ZNF532: variants seen among roughly 807,000 people sequenced by gnomAD.
ZNF532 encodes zinc finger protein 532.
A neutral mutation model predicts 89.3 loss-of-function variants in ZNF532; 22 were observed. The ratio of observed to expected loss-of-function variants is 0.25; its 90% CI spans 0.18 to 0.35. The LOEUF (loss-of-function observed/expected upper bound fraction) is 0.35, where lower values mean the gene tolerates loss of function less well. ZNF532 is among the 10% of genes least tolerant of loss of function. The pLI is 1.00. For missense variants in ZNF532, 1,132 were observed against 1,643.4 expected, an observed-to-expected ratio of 0.69 and a Z score of 5.38; for synonymous variants, 606 against 649.6, an observed-to-expected ratio of 0.93 and a Z score of 1.02.
chr18:58,900,888 C>G (rs2059558128), intron 2 of ZNF532, among the ~76,000 whole-genome samples: 1 of 152,092 alleles, frequency 6.6e-6, no homozygotes, highest in African/African-American at 2.4e-5. Context: ...TCCCAACCCC[C>G]AAGCTCTAAG....
chr18:58,956,940 A>G (rs566112975), intron 7 of ZNF532, among the ~76,000 whole-genome samples: 3 of 152,344 alleles, frequency 2.0e-5, no homozygotes, highest in South Asian at 2.1e-4. Flanking sequence ...TCTCGTGTAC[A>G]GTATATATAC....
intron 2 of ZNF532, among the ~76,000 whole-genome samples, chr18:58,876,973 T>A (rs1323773011): frequency 6.6e-6 from 1 of 151,834 alleles, no homozygotes; most frequent in Non-Finnish European, 1.5e-5. Flanking sequence ...GGCAAGAGGA[T>A]CACTTGAGCC....
chr18:58,921,657 T>G (rs1279901912), intron 3 of ZNF532, among the ~76,000 whole-genome samples: 1 of 152,248 alleles, frequency 6.6e-6, no homozygotes, highest in Non-Finnish European at 1.5e-5. Context: ...CAATCAGCCT[T>G]TTATCTCCAT....
chr18:58,888,865 T>TAAA (rs1568248420), intron 2 of ZNF532, among the ~76,000 whole-genome samples: 20 of 51,880 alleles, frequency 3.9e-4, no homozygotes, highest in South Asian at 1.3e-3. Context: ...TTTATATATA[T>TAAA]ATAATATATA....
At position 58,981,624 on chromosome 18, in the gene ZNF532, C is replaced by A. The variant is rs1207924703; in HGVS notation, c.3411+7C>A. ...AATAAAAGAAGACACTAAGGTCTAA[C>A]ATTGCAGATGTTTGCTTTACAGTGA... On this transcript the variant is annotated splice_region_variant and intron_variant, in intron 9 of 9. Coordinates refer to ENST00000591808, the MANE Select transcript of ZNF532 (RefSeq NM_001375912.1). 6.2e-7 allele frequency: 1 copy of A among 1,613,962 alleles called. No homozygotes were observed. Among genetic ancestry groups the A allele is most frequent in the Admixed American group, 1.7e-5 (1 of 60,004 alleles).
intron 6 of ZNF532, 172 bp from the exon 7 acceptor site, chr18:58,953,346 T>C (rs146150328): frequency 1.2e-3 from 720 of 601,372 alleles, no homozygotes; most frequent in African/African-American, 5.4e-3. Context: ...TAGCAGACTT[T>C]TATCTCTTTT....
At chr18:58,943,654 G>C (rs2063411040) in intron 5 of ZNF532, among the ~76,000 whole-genome samples, 1 of 152,078 alleles carries the variant, frequency 6.6e-6, no homozygotes, top group South Asian at 2.1e-4. Flanking sequence ...GTAGAGATGA[G>C]GTTTCTCCAT....
intron 2 of ZNF532, among the ~76,000 whole-genome samples, chr18:58,904,710 A>T (rs745992995): frequency 1.3e-5 from 2 of 152,244 alleles, no homozygotes; most frequent in African/African-American, 4.8e-5. Context: ...GGCCAAAAAG[A>T]TAAACCAAAT....
chr18:58,905,432 G>A (rs1206128717), intron 2 of ZNF532, among the ~76,000 whole-genome samples: 4 of 146,864 alleles, frequency 2.7e-5, no homozygotes, highest in African/African-American at 1.0e-4. Context: ...ACAAGGTCTG[G>A]CTCTGTTGCC....
chr18:58,888,891 TTATATA>T lies in ZNF532; in HGVS notation c.-18+23329_-18+23334del, dbSNP rs71173096. Among the ~76,000 whole-genome samples the T allele has an allele frequency of 6.2e-4, 23 of 37,274 alleles. 1 individual carries two copies. The highest frequency in any genetic ancestry group is 2.9e-3 in the African/African-American group (22 of 7,552). The allele number at this position is 37,274 out of a possible 152,430, so 24.5% of individuals were successfully genotyped here. Reference sequence around the variant, plus strand: ...ATAATATATATTATATATATATATTTTATATATATATATATATATATAATTCATACA... The same window carrying T: ...ATAATATATATTATATATATATATTTTATATATATATATATAATTCATACA... On this transcript the variant is annotated intron_variant, in intron 2 of 9. Coordinates refer to ENST00000591808, the MANE Select transcript of ZNF532 (RefSeq NM_001375912.1).
chr18:58,885,880 A>T (rs2058268861), intron 2 of ZNF532, among the ~76,000 whole-genome samples: 1 of 151,890 alleles, frequency 6.6e-6, no homozygotes, highest in South Asian at 2.1e-4. Context: ...AGAGAGTAAA[A>T]GCTCAAAATT....
chr18:58,910,803 C>A (rs1262855557), intron 2 of ZNF532, among the ~76,000 whole-genome samples: 1 of 151,894 alleles, frequency 6.6e-6, no homozygotes, highest in Non-Finnish European at 1.5e-5. Flanking sequence ...GACAGATGCA[C>A]AGAAACATGT....
intron 2 of ZNF532, among the ~76,000 whole-genome samples, chr18:58,917,790 G>A (rs1198154793): frequency 1.3e-5 from 2 of 151,984 alleles, no homozygotes; most frequent in African/African-American, 2.4e-5. Context: ...TTCTGTGGAT[G>A]AATATTGAAA....
rs1179773592 is a variant in ZNF532 at position 58,919,104 on chromosome 18, G to A, written c.817G>A (p.Ala273Thr). ...SSSKLSSCIAAIAALSAKKAA... is the reference protein window; with the variant it reads ...SSSKLSSCIATIAALSAKKAA... ...CTCCAAGCTCTCGTCCTGCATCGCT[G>A]CCATCGCGGCTCTCAGCGCTAAAAA... is the stretch of plus-strand genomic sequence containing the variant. The change falls in exon 3 of 10, where the codon GCC becomes ACC. Residue 273 changes from alanine (A) to threonine (T), a missense_variant. Physicochemically the swap from Ala to Thr is moderately conservative, Grantham distance 58. Coordinates refer to ENST00000591808, the MANE Select transcript of ZNF532 (RefSeq NM_001375912.1). This position sits in a 1 kb window ranked among gnomAD's most constrained non-coding sequence, Gnocchi z 6.1. The A allele has an allele frequency of 6.2e-7, 1 of 1,614,202 alleles. No individual in the cohort carries two copies. The highest frequency in any genetic ancestry group is 1.7e-5 in the Admixed American group (1 of 60,026).
At chr18:58,972,904 C>A (rs1399722450) in intron 7 of ZNF532, among the ~76,000 whole-genome samples, 1 of 152,124 alleles carries the variant, frequency 6.6e-6, no homozygotes, top group African/African-American at 2.4e-5. Context: ...TTTATTTATT[C>A]ATTCCCACAG....
chr18:58,874,881 C>G (rs1602511619), intron 2 of ZNF532, among the ~76,000 whole-genome samples: 1 of 152,120 alleles, frequency 6.6e-6, no homozygotes, highest in South Asian at 2.1e-4. Context: ...ATTCTGCACA[C>G]TGGGATTTGG....
At chr18:58,896,704 T>G (rs2059275313) in intron 2 of ZNF532, 1 of 152,178 alleles carries the variant, frequency 6.6e-6, no homozygotes, top group Non-Finnish European at 1.5e-5. Flanking sequence ...ATAAACCACC[T>G]CAGATCTTTC....
intron 2 of ZNF532, among the ~76,000 whole-genome samples, chr18:58,879,953 A>G (rs1294793072): frequency 2.6e-5 from 4 of 152,156 alleles, no homozygotes; most frequent in Non-Finnish European, 5.9e-5. Context: ...TTAACTTTTA[A>G]CACTGTTTTC....
At chr18:58,870,708 C>A (rs1163577902) in intron 2 of ZNF532, among the ~76,000 whole-genome samples, 1 of 151,974 alleles carries the variant, frequency 6.6e-6, no homozygotes, top group East Asian at 1.9e-4. Flanking sequence ...TCTTTCATCC[C>A]AGGTGTTGTT....
Sources: allele counts gnomAD v4.1 joint callset (sites outside exome capture counted in the v4.1 genomes callset), GRCh38; gene constraint gnomAD v4.1.1; non-coding constraint Gnocchi (gnomAD v3.1); transcripts MANE v1.5; gene names NCBI Gene and HGNC (gene_info 2026-07-23, HGNC 2026-07-21).